SASS6: variants seen among roughly 807,000 people sequenced by gnomAD.
The protein encoded by SASS6 is SAS-6 centriolar assembly protein.
SASS6 carries 59 observed loss-of-function variants against 94.9 expected under a neutral mutation model. The ratio of observed to expected loss-of-function variants is 0.62; its 90% CI spans 0.50 to 0.77. The LOEUF (loss-of-function observed/expected upper bound fraction) is 0.77, where lower values mean the gene tolerates loss of function less well. Among genes scored for constraint, SASS6 ranks in the 30% least tolerant of loss-of-function variants. SASS6 has a pLI of 0.00. For missense variants in SASS6, 698 were observed against 734.1 expected, an observed-to-expected ratio of 0.95 and a Z score of 0.57; for synonymous variants, 264 against 270.0, an observed-to-expected ratio of 0.98 and a Z score of 0.22.
intron 15 of SASS6, among the ~76,000 whole-genome samples, chr1:100,086,334 T>G (rs142216400): frequency 1.2e-3 from 182 of 152,266 alleles, no homozygotes; most frequent in Non-Finnish European, 2.1e-3. Flanking sequence ...TTTTATTTTT[T>G]TCTTTAAAGT....
chr1:100,090,029 A>G (rs1021519941), intron 14 of SASS6, among the ~76,000 whole-genome samples: 1 of 152,102 alleles, frequency 6.6e-6, no homozygotes, highest in South Asian at 2.1e-4. Flanking sequence ...GTATAATAAT[A>G]TTTGAAAGTA....
intron 13 of SASS6, among the ~76,000 whole-genome samples, chr1:100,105,230 T>C (rs997424649): frequency 4.6e-5 from 7 of 152,140 alleles, no homozygotes; most frequent in African/African-American, 9.7e-5. Context: ...TCAAGACTTA[T>C]AAAGAAGTGT....
chr1:100,105,959 T>C, intron 12 of SASS6, 56 bp from the exon 13 acceptor site: 3 of 1,203,328 alleles, frequency 2.5e-6, no homozygotes, highest in South Asian at 1.6e-5. Context: ...ATTTTTCTAA[T>C]CATCTTAAAC....
intron 6 of SASS6, 106 bp from the exon 7 acceptor site, chr1:100,119,243 T>C (rs1018141242): frequency 1.7e-6 from 1 of 578,084 alleles, no homozygotes; most frequent in Non-Finnish European, 2.6e-6. Context: ...AACAAAATTA[T>C]AGCTTTTCAG....
chr1:100,107,421 T>G lies in SASS6; in HGVS notation c.1279A>C (p.Lys427Gln), dbSNP rs1652991419. 6.2e-7 allele frequency: 1 copy of G among 1,609,674 alleles called. No homozygotes were observed. The highest frequency in any genetic ancestry group is 1.3e-5 in the African/African-American group (1 of 74,950). ...EKEEKLQKEQKELQDVGQSLR... is the reference protein window; with the variant it reads ...EKEEKLQKEQQELQDVGQSLR... ...GACTGTCCAACATCTTGTAATTCCT[T>G]TTGTTCCTTTTGTAATTTTTCCTCC... Residue 427 changes from lysine (K) to glutamine (Q), a missense_variant, in exon 11 of 17, where the codon AAG becomes CAG. Physicochemically the swap from Lys to Gln is moderately conservative, Grantham distance 53. Coordinates refer to ENST00000287482, the MANE Select transcript of SASS6 (RefSeq NM_194292.3).
Position 100,105,769 on chromosome 1 carries a change from C to T in SASS6, c.1543G>A (p.Val515Met), listed in dbSNP as rs200684223. ...IRSGISPNLN[V>M]VDGRLTYPTC... Reference sequence around the variant, plus strand: ...TCACATCTTGTTTTAAATCTTACCACATTCAGGTTAGGAGAAATTCCACTT... The same window carrying T: ...TCACATCTTGTTTTAAATCTTACCATATTCAGGTTAGGAGAAATTCCACTT... Residue 515 changes from valine to methionine, a missense_variant and splice_region_variant, in exon 13 of 17, where the codon GTG (valine) becomes ATG (methionine). Transcript: ENST00000287482. The T allele has an allele frequency of 3.2e-5, 51 of 1,610,742 alleles. No homozygotes were observed. The Middle Eastern group carries it at 8.3e-4, about 26-fold the overall frequency.
chr1:100,106,791 C>A, intron 12 of SASS6, 121 bp downstream of exon 12: 1 of 581,010 alleles, frequency 1.7e-6, no homozygotes, highest in South Asian at 2.0e-5. Flanking sequence ...GTGGTGGAGG[C>A]TGCAGTGAGC....
chr1:100,125,356 C>T (rs1032051685), intron 2 of SASS6, among the ~76,000 whole-genome samples: 1 of 150,774 alleles, frequency 6.6e-6, no homozygotes, highest in African/African-American at 2.4e-5. Flanking sequence ...AATGTCACCC[C>T]ACCCCACAAT....
At chr1:100,123,166 C>T (rs760711745) in intron 3 of SASS6, 44 bp downstream of exon 3, 20 of 815,716 alleles carry the variant, frequency 2.5e-5, no homozygotes, top group South Asian at 1.8e-4. Context: ...AACTTAGAAA[C>T]TTATTTTTTC....
At position 100,132,715 on chromosome 1, in the gene SASS6, C is replaced by A. The variant is rs773478973; in HGVS notation, c.65+35G>T. On this transcript the variant is annotated intron_variant, in intron 1 of 16. Coordinates refer to ENST00000287482, the MANE Select transcript of SASS6 (RefSeq NM_194292.3). ...CTTTCCCCATTGGCCTGACCCCAAC[C>A]GCCACCCGCGGGCACTGGATGACGC... 5 of 1,583,396 alleles carry A rather than the reference C, an allele frequency of 3.2e-6. No homozygotes were observed. The Admixed American group carries it at 5.0e-5, about 16-fold the overall frequency.
chr1:100,127,124 T>C (rs1654674948), intron 1 of SASS6, among the ~76,000 whole-genome samples: 1 of 152,216 alleles, frequency 6.6e-6, no homozygotes, highest in African/African-American at 2.4e-5. Context: ...CAAATGCTTA[T>C]ATAATTCAGA....
intron 2 of SASS6, among the ~76,000 whole-genome samples, chr1:100,124,025 A>G (rs1214627688): frequency 6.6e-6 from 1 of 152,250 alleles, no homozygotes; most frequent in Non-Finnish European, 1.5e-5. Flanking sequence ...TAAAACTAAT[A>G]AAGAACTGGG....
At chr1:100,111,226 G>A (rs1028590929) in intron 7 of SASS6, among the ~76,000 whole-genome samples, 3 of 151,798 alleles carry the variant, frequency 2.0e-5, no homozygotes, top group Admixed American at 6.6e-5. Flanking sequence ...TAATATTTAG[G>A]AGTACTCTCT....
intron 14 of SASS6, among the ~76,000 whole-genome samples, chr1:100,101,576 T>C (rs897373105): frequency 3.3e-5 from 5 of 152,026 alleles, no homozygotes; most frequent in Admixed American, 1.3e-4. Context: ...TCCTGGAAAG[T>C]TGTTTAAATA....
rs1199134335 is a variant in SASS6, at chr1:100,084,423, G to T, written c.*905C>A. On this transcript the variant is annotated 3_prime_UTR_variant, in exon 17 of 17. Transcript: ENST00000287482. Reference sequence around the variant, plus strand: ...CAAGGAACAATTCTTAAAACTTTCAGTTACAGGGAAGAGAAGAAAATTGTA... The same window carrying T: ...CAAGGAACAATTCTTAAAACTTTCATTTACAGGGAAGAGAAGAAAATTGTA... 6.6e-6 allele frequency: 1 copy of T among 151,960 alleles called. No homozygotes were observed. Among genetic ancestry groups the T allele is most frequent in the African/African-American group, 2.4e-5 (1 of 41,398 alleles). 9.4% of individuals were successfully genotyped at this position (151,960 alleles called of 1,614,324 possible).
intron 7 of SASS6, among the ~76,000 whole-genome samples, chr1:100,115,418 C>T (rs921845058): frequency 6.7e-6 from 1 of 149,260 alleles, no homozygotes; most frequent in African/African-American, 2.5e-5. Flanking sequence ...AGTCTGTTTT[C>T]AACAAATAAG....
At chr1:100,113,650 AAAAAG>A (rs1357805273) in intron 7 of SASS6, among the ~76,000 whole-genome samples, 3 of 151,932 alleles carry the variant, frequency 2.0e-5, no homozygotes, top group Non-Finnish European at 4.4e-5. Flanking sequence ...AAGCCAAAAA[AAAAAG>A]AAAAGGTAGT....
intron 7 of SASS6, among the ~76,000 whole-genome samples, chr1:100,112,487 G>A (rs945845501): frequency 1.3e-5 from 2 of 151,720 alleles, no homozygotes; most frequent in East Asian, 1.9e-4. Flanking sequence ...TTTAAATGGA[G>A]GTATAAAGAA....
chr1:100,105,125 C>T (rs940909621), intron 13 of SASS6, among the ~76,000 whole-genome samples: 4 of 152,108 alleles, frequency 2.6e-5, no homozygotes, highest in Non-Finnish European at 4.4e-5. Flanking sequence ...ATTCTCTCTT[C>T]TTCAAGTCTC....
Sources: allele counts gnomAD v4.1 joint callset (sites outside exome capture counted in the v4.1 genomes callset), GRCh38; gene constraint gnomAD v4.1.1; transcripts MANE v1.5; gene names NCBI Gene and HGNC (gene_info 2026-07-23, HGNC 2026-07-21).